The following MYO6 variants were observed in gnomAD, a reference collection of about 807,000 sequenced individuals.
The protein encoded by MYO6 is unconventional myosin-VI.
MYO6 carries 74 observed loss-of-function variants against 178.7 expected under a neutral mutation model. That is an observed-to-expected ratio of 0.41 (90% CI 0.34 to 0.50). The LOEUF is 0.50. MYO6 is among the 20% of genes least tolerant of loss of function. The pLI, the probability that MYO6 is intolerant of heterozygous loss-of-function variation, is 0.09. For synonymous variants in MYO6, 477 were observed against 504.6 expected (o/e 0.95, Z 0.73); for missense variants, 1,330 against 1,547.4 (o/e 0.86, Z 2.36).
intron 1 of MYO6, among the ~76,000 whole-genome samples, chr6:75,779,099 A>G (rs1298847577): frequency 6.7e-6 from 1 of 149,620 alleles, no homozygotes; most frequent in Admixed American, 6.7e-5. Context: ...GGGTTTGGCT[A>G]CATTGTTCAG....
At chr6:75,783,378 A>G (rs1767185102) in intron 1 of MYO6, among the ~76,000 whole-genome samples, 1 of 152,180 alleles carries the variant, frequency 6.6e-6, no homozygotes, top group Admixed American at 6.5e-5. Flanking sequence ...TGAACCGGTA[A>G]CCCAACTTGT....
At chr6:75,821,002 GT>G (rs1771815590) in intron 2 of MYO6, among the ~76,000 whole-genome samples, 2 of 152,262 alleles carry the variant, frequency 1.3e-5, no homozygotes, top group Admixed American at 6.5e-5. Flanking sequence ...ATCAAGATAT[GT>G]TTTTAGCAGA....
chr6:75,848,502 T>A lies in MYO6; in HGVS notation c.1049T>A (p.Ile350Asn). 6.2e-7 allele frequency: 1 copy of A among 1,613,606 alleles called. No individual in the cohort carries two copies. The highest frequency in any genetic ancestry group is 8.5e-7 in the Non-Finnish European group (1 of 1,179,736). ...VVAGVLHLGN[I>N]DFEEAGSTSG... is the part of the protein sequence containing the mutation. ...GCTGGCGTCCTGCACCTTGGAAATA[T>A]TGATTTTGAGGAAGCTGGCAGCACT... Residue 350 changes from isoleucine (I) to asparagine (N), a missense_variant, in exon 11 of 35, where the codon ATT becomes AAT. By Grantham distance (149) the Ile-to-Asn change is moderately radical (BLOSUM62 -3). Coordinates refer to ENST00000369977, the MANE Select transcript of MYO6 (RefSeq NM_004999.4).
At chr6:75,770,563 G>A (rs999943526) in intron 1 of MYO6, among the ~76,000 whole-genome samples, 8 of 152,160 alleles carry the variant, frequency 5.3e-5, no homozygotes, top group Admixed American at 3.3e-4. Flanking sequence ...TGCAACCTCC[G>A]CCTCCCGGGT....
At chr6:75,879,214 A>AAGAT (rs1257602321) in intron 20 of MYO6, among the ~76,000 whole-genome samples, 10 of 152,052 alleles carry the variant, frequency 6.6e-5, no homozygotes, top group African/African-American at 1.9e-4. Flanking sequence ...AACAGAAAAA[A>AAGAT]AGATACAAAC....
chr6:75,788,986 A>G (rs1335407763), intron 1 of MYO6, among the ~76,000 whole-genome samples: 1 of 152,196 alleles, frequency 6.6e-6, no homozygotes, highest in Non-Finnish European at 1.5e-5. Context: ...ATGCAATGTA[A>G]CTTCTTCACA....
chr6:75,786,389 C>T (rs914468805), intron 1 of MYO6, among the ~76,000 whole-genome samples: 5 of 152,102 alleles, frequency 3.3e-5, no homozygotes, highest in Non-Finnish European at 5.9e-5. Flanking sequence ...TTTCTGCATA[C>T]GTTTTAGAAT....
intron 1 of MYO6, among the ~76,000 whole-genome samples, chr6:75,775,519 T>G (rs553257160): frequency 9.2e-5 from 14 of 152,286 alleles, no homozygotes; most frequent in Non-Finnish European, 1.9e-4. Flanking sequence ...GACAGCAGCA[T>G]CTGGGGTGGA....
chr6:75,785,564 C>T (rs1337552083), intron 1 of MYO6, among the ~76,000 whole-genome samples: 1 of 150,734 alleles, frequency 6.6e-6, no homozygotes, highest in African/African-American at 2.4e-5. Context: ...CCTCGAAATC[C>T]TGGGCTCAAG....
chr6:75,869,519 G>T (rs1050665194), intron 18 of MYO6, among the ~76,000 whole-genome samples: 2 of 152,058 alleles, frequency 1.3e-5, no homozygotes, highest in African/African-American at 4.8e-5. Flanking sequence ...ATGACATTCA[G>T]TAAACTATAC....
At chr6:75,820,699 A>G (rs1322550) in intron 2 of MYO6, among the ~76,000 whole-genome samples, 7,797 of 152,080 alleles carry the variant, frequency 0.051, 295 homozygotes, top group Non-Finnish European at 0.074. Flanking sequence ...CTTAGAAACT[A>G]CTTATTTTTC....
intron 34 of MYO6, among the ~76,000 whole-genome samples, chr6:75,914,569 G>A (rs1441576203): frequency 2.6e-5 from 4 of 152,100 alleles, no homozygotes; most frequent in Admixed American, 6.5e-5. Flanking sequence ...AGGAAATGTA[G>A]CATTTTTATT....
At chr6:75,782,766 A>G (rs1421261171) in intron 1 of MYO6, among the ~76,000 whole-genome samples, 1 of 151,856 alleles carries the variant, frequency 6.6e-6, no homozygotes, top group Non-Finnish European at 1.5e-5. Context: ...ACTATCTCTT[A>G]AGCTGAAAAC....
At chr6:75,878,365 A>G (rs1777740323) in intron 20 of MYO6, among the ~76,000 whole-genome samples, 1 of 152,162 alleles carries the variant, frequency 6.6e-6, no homozygotes, top group South Asian at 2.1e-4. Flanking sequence ...GACATTGTCC[A>G]CATGCATATC....
chr6:75,832,874 A>G lies in MYO6; in HGVS notation c.424A>G (p.Lys142Glu), dbSNP rs1329318614. The G allele has an allele frequency of 6.2e-7, 1 of 1,614,144 alleles. No homozygotes were observed. Among genetic ancestry groups the G allele is most frequent in the Admixed American group, 1.7e-5 (1 of 60,032 alleles). The change falls in exon 6 of 35, where the codon AAG becomes GAG. Residue 142 changes from lysine to glutamate, a missense_variant. Lys to Glu is a moderately conservative substitution (Grantham distance 56). Coordinates refer to ENST00000369977, the MANE Select transcript of MYO6 (RefSeq NM_004999.4). ...AGCTTTTCGAGACATGAAGGTGCTC[A>G]AGATGAGTCAGTCTATCATTGTATC... Reference protein sequence around the residue: ...DKAFRDMKVLKMSQSIIVSGE... With the variant: ...DKAFRDMKVLEMSQSIIVSGE...
At chr6:75,770,398 A>G (rs1205491784) in intron 1 of MYO6, among the ~76,000 whole-genome samples, 1 of 152,204 alleles carries the variant, frequency 6.6e-6, no homozygotes, top group African/African-American at 2.4e-5. Context: ...AGCCAGAAGT[A>G]ATGTTCTCAT....
intron 11 of MYO6, among the ~76,000 whole-genome samples, chr6:75,851,993 A>G (rs984802429): frequency 1.3e-5 from 2 of 150,600 alleles, no homozygotes; most frequent in Non-Finnish European, 2.9e-5. Flanking sequence ...CACATAACAG[A>G]TAAAATGTTA....
intron 28 of MYO6, among the ~76,000 whole-genome samples, chr6:75,893,548 G>A (rs183998573): frequency 2.9e-4 from 44 of 152,230 alleles, no homozygotes; most frequent in Middle Eastern, 3.4e-3. Context: ...AAACTGCAAT[G>A]TAATGGAATA....
intron 33 of MYO6, among the ~76,000 whole-genome samples, 200 bp from the exon 34 acceptor site, chr6:75,913,863 A>G (rs1318363999): frequency 6.6e-6 from 1 of 152,210 alleles, no homozygotes; most frequent in Non-Finnish European, 1.5e-5. Context: ...GCTAAGAAAC[A>G]TCTTAAGGGA....
Sources: gnomAD v4.1 joint callset for allele counts (sites outside exome capture counted in the v4.1 genomes callset) on GRCh38, gnomAD v4.1.1 for gene constraint, MANE v1.5 for transcripts, NCBI Gene and HGNC (gene_info 2026-07-23, HGNC 2026-07-21) for gene names.